PCDHA3: variants seen among roughly 807,000 people sequenced by gnomAD.
The protein encoded by PCDHA3 is protocadherin alpha-3.
A neutral mutation model predicts 62.2 loss-of-function variants in PCDHA3; 41 were observed. The observed-to-expected ratio is 0.66, with a 90% confidence interval of 0.51 to 0.86. The LOEUF (loss-of-function observed/expected upper bound fraction) is 0.86. Ranked by LOEUF, PCDHA3 falls within the 40% of genes least tolerant of loss-of-function variation. PCDHA3 has a pLI of 0.00. For synonymous variants in PCDHA3, 640 were observed against 555.4 expected (o/e 1.15, Z -2.14); for missense variants, 1,304 against 1,241.2 (o/e 1.05, Z -0.76).
chr5:140,802,782 G>C lies in PCDHA3; in HGVS notation c.1585G>C (p.Glu529Gln). ...GCAGCCGCTGGACCACGAGGAGCTA[G>C]AGCTGCTGCAGTTCCAGGTGAGTGC... Reference protein sequence around the residue: ...ALQPLDHEELELLQFQVSARD... With the variant: ...ALQPLDHEELQLLQFQVSARD... Residue 529 changes from glutamate to glutamine, a missense_variant, in exon 1 of 4, where the codon GAG (glutamate) becomes CAG (glutamine). Physicochemically the swap from Glu to Gln is conservative, Grantham distance 29. Coordinates refer to ENST00000522353, the MANE Select transcript of PCDHA3 (RefSeq NM_018906.3). 1.2e-6 allele frequency: 2 copies of C among 1,613,298 alleles called. No individual in the cohort carries two copies. The highest frequency in any genetic ancestry group is 1.7e-6 in the Non-Finnish European group (2 of 1,179,904).
intron 3 of PCDHA3, among the ~76,000 whole-genome samples, chr5:140,995,409 A>G (rs1056120944): frequency 2.6e-4 from 39 of 152,210 alleles, no homozygotes; most frequent in Admixed American, 6.5e-5. Flanking sequence ...TCGAGATTTC[A>G]TCACATTACT....
chr5:140,923,959 C>A (rs2153570659), intron 1 of PCDHA3, among the ~76,000 whole-genome samples: 1 of 152,348 alleles, frequency 6.6e-6, no homozygotes, highest in Non-Finnish European at 1.5e-5. Context: ...ACGCCCTAAT[C>A]TATACCCACA....
intron 1 of PCDHA3, among the ~76,000 whole-genome samples, chr5:140,925,841 C>CT (rs1451775258): frequency 1.3e-5 from 2 of 152,066 alleles, no homozygotes; most frequent in African/African-American, 4.8e-5. Flanking sequence ...GTCGTCAAGT[C>CT]TTTGAGTTTC....
intron 1 of PCDHA3, chr5:140,807,551 G>C (rs1209745292): frequency 3.7e-6 from 6 of 1,614,086 alleles, no homozygotes; most frequent in Non-Finnish European, 5.1e-6. Context: ...TGTGGACGTG[G>C]AGGTGAGGGA....
intron 1 of PCDHA3, among the ~76,000 whole-genome samples, chr5:140,915,885 G>A (rs1487160672): frequency 6.6e-6 from 1 of 152,204 alleles, no homozygotes; most frequent in Admixed American, 6.5e-5. Context: ...AGGGTAGCAA[G>A]TTCCCCCTGG....
At chr5:140,922,139 C>T (rs2080663133) in intron 1 of PCDHA3, among the ~76,000 whole-genome samples, 1 of 151,854 alleles carries the variant, frequency 6.6e-6, no homozygotes, top group South Asian at 2.1e-4. Flanking sequence ...TCTTATCCTC[C>T]ATGAAACTCA....
At chr5:140,819,582 A>T (rs2150104654) in intron 1 of PCDHA3, among the ~76,000 whole-genome samples, 4 of 152,166 alleles carry the variant, frequency 2.6e-5, no homozygotes, top group Non-Finnish European at 5.9e-5. Context: ...AAGATTTTTT[A>T]AAATGTTCTT....
chr5:140,908,778 C>G (rs1452710808), intron 1 of PCDHA3, among the ~76,000 whole-genome samples: 1 of 152,184 alleles, frequency 6.6e-6, no homozygotes, highest in Non-Finnish European at 1.5e-5. Flanking sequence ...GTAGAGTCTT[C>G]TCCTGTTCTG....
At position 140,841,437 on chromosome 5, in the gene PCDHA3, C is replaced by G. The variant is rs2150315470; in HGVS notation, c.2394+37846C>G. The G allele has an allele frequency of 7.8e-4, 1,255 of 1,612,956 alleles. 28 individuals are homozygous for G. The East Asian group carries it at 0.027, about 34-fold the overall frequency. ...CTCCACTACTCCGTCCCCGAGGAGG[C>G]CAAACACGGCACCTTCGTGGGCCGG... On this transcript the variant is annotated intron_variant, in intron 1 of 3. Coordinates refer to ENST00000522353, the MANE Select transcript of PCDHA3 (RefSeq NM_018906.3).
rs1022603902 is a variant in PCDHA3, at chr5:140,840,855, G to A, written c.2394+37264G>A. 5.9e-5 allele frequency among the ~76,000 whole-genome samples: 9 copies of A among 151,892 alleles called. 1 individual carries two copies. Among genetic ancestry groups the A allele is most frequent in the African/African-American group, 2.2e-4 (9 of 41,294 alleles). Reference sequence around the variant, plus strand: ...AAATATTAATGCATTTCTTCCACACGAAACTATGGAGGACAGTTTACATTT... The same window carrying A: ...AAATATTAATGCATTTCTTCCACACAAAACTATGGAGGACAGTTTACATTT... On this transcript the variant is annotated intron_variant, in intron 1 of 3. Transcript: ENST00000522353.
intron 1 of PCDHA3, among the ~76,000 whole-genome samples, chr5:140,935,913 GACAGATTC>G (rs1178474379): frequency 8.0e-6 from 1 of 125,106 alleles, no homozygotes; most frequent in Admixed American, 8.3e-5. Context: ...TTTTTTTTGA[GACAGATTC>G]TCATTCTGTT....
In PCDHA3 at chr5:140,929,084, T is replaced by C; in HGVS notation, c.2395-49865T>C. On this transcript the variant is annotated intron_variant, in intron 1 of 3. Transcript: ENST00000522353. ...GAGGATCTGAGGTATGGAAGTAAGATGGTTTCAAATCCTTGCATGACATCA... is the reference window on the plus strand; with the variant it reads ...GAGGATCTGAGGTATGGAAGTAAGACGGTTTCAAATCCTTGCATGACATCA... The C allele has an allele frequency of 1.9e-6, 3 of 1,614,160 alleles. No individual in the cohort carries two copies. The South Asian group carries it at 3.3e-5, about 18-fold the overall frequency.
At chr5:140,883,130 G>C in intron 1 of PCDHA3, 1 of 1,614,062 alleles carries the variant, frequency 6.2e-7, no homozygotes, top group Non-Finnish European at 8.5e-7. Flanking sequence ...TGTATGGCCT[G>C]CAGTGGTATA....
At chr5:140,938,930 A>T (rs2092272913) in intron 1 of PCDHA3, among the ~76,000 whole-genome samples, 1 of 152,066 alleles carries the variant, frequency 6.6e-6, no homozygotes, top group African/African-American at 2.4e-5. Flanking sequence ...ATTGGCTTTT[A>T]ACTTTCCATT....
chr5:140,829,280 C>T, intron 1 of PCDHA3: 1 of 1,614,282 alleles, frequency 6.2e-7, no homozygotes, highest in Non-Finnish European at 8.5e-7. Flanking sequence ...CCCTTTCAAG[C>T]TGGTGTCCAC....
chr5:140,869,434 G>A, intron 1 of PCDHA3: 1 of 1,614,218 alleles, frequency 6.2e-7, no homozygotes, highest in Non-Finnish European at 8.5e-7. Flanking sequence ...GGTGATCGTG[G>A]ACAGGCCGCT....
At chr5:140,825,916 C>G (rs1236505717) in intron 1 of PCDHA3, 2 of 152,402 alleles carry the variant, frequency 1.3e-5, no homozygotes, top group African/African-American at 4.8e-5. Context: ...CTACGCTAGA[C>G]AGGTGTCCTC....
chr5:140,869,086 A>G (rs1554162467), intron 1 of PCDHA3: 1 of 1,584,176 alleles, frequency 6.3e-7, no homozygotes, highest in African/African-American at 1.4e-5. Context: ...CTTATTTTGG[A>G]AGCCAATTTC....
chr5:140,936,944 T>A (rs900789474), intron 1 of PCDHA3, among the ~76,000 whole-genome samples: 3 of 152,226 alleles, frequency 2.0e-5, no homozygotes, highest in African/African-American at 7.2e-5. Flanking sequence ...AATATCTTAT[T>A]TTGATCTTTA....
Sources: allele counts gnomAD v4.1 joint callset (sites outside exome capture counted in the v4.1 genomes callset), GRCh38; gene constraint gnomAD v4.1.1; transcripts MANE v1.5; gene names NCBI Gene and HGNC (gene_info 2026-07-23, HGNC 2026-07-21).